Variants in AMBP observed in about 807,000 individuals in gnomAD.
AMBP encodes protein AMBP.
Under a neutral mutation model 46.3 loss-of-function variants are expected in AMBP, and 37 were observed. The ratio of observed to expected loss-of-function variants is 0.80; its 90% confidence interval spans 0.61 to 1.05. The LOEUF is 1.05. Among genes scored for constraint, AMBP ranks in the 50% least tolerant of loss-of-function variants. AMBP has a pLI of 0.00. For missense variants in AMBP, 475 were observed against 461.2 expected, an observed-to-expected ratio of 1.03 and a Z score of -0.27; for synonymous variants, 174 against 175.9, an observed-to-expected ratio of 0.99 and a Z score of 0.09.
chr9:114,069,425 T>C (rs1204902097), intron 6 of AMBP, among the ~76,000 whole-genome samples: 3 of 152,242 alleles, frequency 2.0e-5, no homozygotes, highest in Non-Finnish European at 2.9e-5. Flanking sequence ...TTTCTATATG[T>C]CATTAAATTC....
At chr9:114,062,591 CTGA>C (rs1387282506) in intron 7 of AMBP, 83 bp downstream of exon 7, 49 of 1,341,826 alleles carry the variant, frequency 3.7e-5, no homozygotes, top group Non-Finnish European at 4.9e-5. Context: ...AGAGACTGCA[CTGA>C]TAAGAGTAGC....
intron 7 of AMBP, among the ~76,000 whole-genome samples, chr9:114,061,881 A>C (rs551337569): frequency 4.6e-4 from 69 of 151,380 alleles, no homozygotes; most frequent in Non-Finnish European, 8.5e-4. Flanking sequence ...CTGCCCCAAA[A>C]CTCTGTAATA....
chr9:114,072,092 G>A (rs900988333), intron 5 of AMBP, among the ~76,000 whole-genome samples: 1 of 152,220 alleles, frequency 6.6e-6, no homozygotes, highest in African/African-American at 2.4e-5. Flanking sequence ...AACACAAACA[G>A]GGCTGAAACA....
chr9:114,075,149 T>C, intron 2 of AMBP, 113 bp from the exon 3 acceptor site: 1 of 760,520 alleles, frequency 1.3e-6, no homozygotes, highest in Non-Finnish European at 2.2e-6. Flanking sequence ...TTTTTTTGTT[T>C]GTGTGTTTTT....
At position 114,078,163 on chromosome 9, in the gene AMBP, G is replaced by T. The variant is rs752934210; in HGVS notation, c.47C>A (p.Ala16Glu). 3.1e-6 allele frequency: 5 copies of T among 1,613,400 alleles called. No individual in the cohort carries two copies. Among genetic ancestry groups the T allele is most frequent in the Admixed American group, 1.7e-5 (1 of 60,032 alleles). Residue 16 changes from alanine (A) to glutamate (E), a missense_variant, in exon 1 of 10, where the codon GCG becomes GAG. Ala to Glu is a moderately radical substitution (Grantham distance 107). This residue lies in a region of AMBP where 179 missense variants were observed against 167.4 expected (regional missense o/e 1.07). Coordinates refer to ENST00000265132, the MANE Select transcript of AMBP (RefSeq NM_001633.4). ...CGTTGGCACAGGGCCAGCGCTCACC[G>T]CCAGGCAGGCGCTCAGCAGCAAGAG... ...ALLLLLSACL[A>E]VSAGPVPTPP...
At position 114,076,685 on chromosome 9, in the gene AMBP, T is replaced by A. The variant is rs768359067; in HGVS notation, c.173A>T (p.Lys58Met). ...AIGSTCPWLK[K>M]IMDRMTVSTL... The stretch of plus-strand genomic sequence containing the variant: ...GCTCACTGTCATCCTGTCCATGATC[T>A]TCTTCAGCCAGGGGCAGGTGGAACC... Residue 58 changes from lysine (K) to methionine (M), a missense_variant, in exon 2 of 10, where the codon AAG (lysine) becomes ATG (methionine). Around this residue, in one of 3 missense-constraint regions of AMBP, gnomAD observed 179 missense variants for 167.4 expected, o/e 1.07. Transcript: ENST00000265132. 6 of 1,614,016 alleles carry A rather than the reference T, an allele frequency of 3.7e-6. No individual in the cohort carries two copies. The South Asian group carries it at 4.4e-5, about 12-fold the overall frequency.
At chr9:114,069,038 T>A (rs1347197690) in intron 6 of AMBP, among the ~76,000 whole-genome samples, 2 of 151,780 alleles carry the variant, frequency 1.3e-5, no homozygotes, top group African/African-American at 2.4e-5. Context: ...TTTTTCCAAA[T>A]AAATATCACA....
At chr9:114,064,332 TAG>T (rs1846671129) in intron 6 of AMBP, among the ~76,000 whole-genome samples, 1 of 152,154 alleles carries the variant, frequency 6.6e-6, no homozygotes, top group Non-Finnish European at 1.5e-5. Flanking sequence ...CAATAAAATA[TAG>T]AGTTTTACAA....
intron 1 of AMBP, 43 bp from the exon 2 acceptor site, chr9:114,076,783 C>T: frequency 6.2e-7 from 1 of 1,601,114 alleles, no homozygotes; most frequent in Non-Finnish European, 8.5e-7. Flanking sequence ...CAGTCTCAGA[C>T]CTCAAAGCAG....
chr9:114,073,145 T>C, intron 4 of AMBP, 119 bp from the exon 5 acceptor site: 3 of 843,420 alleles, frequency 3.6e-6, no homozygotes, highest in Non-Finnish European at 5.5e-6. Context: ...TTGATGCAGT[T>C]TAATCTATTT....
chr9:114,071,070 C>A (rs1001115677), intron 5 of AMBP, among the ~76,000 whole-genome samples: 1 of 152,184 alleles, frequency 6.6e-6, no homozygotes, highest in Non-Finnish European at 1.5e-5. Flanking sequence ...GTGGCTGGGG[C>A]TGCACACCCC....
intron 2 of AMBP, among the ~76,000 whole-genome samples, chr9:114,076,141 C>A (rs562175995): frequency 6.6e-6 from 1 of 151,378 alleles, no homozygotes; most frequent in East Asian, 2.0e-4. Flanking sequence ...GGGTGGAGGT[C>A]AGAGGTGAGG....
chr9:114,072,655 C>T (rs952230640), intron 5 of AMBP, among the ~76,000 whole-genome samples: 1 of 152,212 alleles, frequency 6.6e-6, no homozygotes, highest in Non-Finnish European at 1.5e-5. Context: ...TCTTTTGCCT[C>T]CTAAGAGGTA....
Position 114,076,698 on chromosome 9 carries a change from G to A in AMBP, c.160C>T (p.Pro54Ser). The change falls in exon 2 of 10, where the codon CCC becomes TCC. Residue 54 changes from proline (P) to serine (S), a missense_variant. Around this residue, in one of 3 missense-constraint regions of AMBP, gnomAD observed 179 missense variants for 167.4 expected, o/e 1.07. Coordinates refer to ENST00000265132, the MANE Select transcript of AMBP (RefSeq NM_001633.4). The stretch of plus-strand genomic sequence containing the variant: ...CTGTCCATGATCTTCTTCAGCCAGG[G>A]GCAGGTGGAACCGATGGCCAGGTTG... ...WYNLAIGSTCPWLKKIMDRMT... is the reference protein window; with the variant it reads ...WYNLAIGSTCSWLKKIMDRMT... 2 of 1,613,986 alleles carry A rather than the reference G, an allele frequency of 1.2e-6. No individual in the cohort carries two copies. Among genetic ancestry groups the A allele is most frequent in the South Asian group, 2.2e-5 (2 of 91,074 alleles).
At chr9:114,074,697 C>T (rs1006086572) in intron 3 of AMBP, among the ~76,000 whole-genome samples, 11 of 152,042 alleles carry the variant, frequency 7.2e-5, no homozygotes, top group African/African-American at 2.2e-4. Flanking sequence ...TAGCAGGTGC[C>T]TAAGAAGACA....
chr9:114,067,392 T>A (rs1161123541), intron 6 of AMBP, among the ~76,000 whole-genome samples: 2 of 152,054 alleles, frequency 1.3e-5, no homozygotes, highest in Non-Finnish European at 2.9e-5. Context: ...TGCCACCCAC[T>A]GAGCTGGCTA....
At chr9:114,071,084 G>A (rs984815947) in intron 5 of AMBP, among the ~76,000 whole-genome samples, 3 of 152,164 alleles carry the variant, frequency 2.0e-5, no homozygotes, top group Admixed American at 1.3e-4. Context: ...ACACCCCATT[G>A]AGCTGGTGGG....
intron 6 of AMBP, among the ~76,000 whole-genome samples, chr9:114,063,289 G>A (rs1039738678): frequency 6.6e-6 from 1 of 152,214 alleles, no homozygotes; most frequent in South Asian, 2.1e-4. Context: ...AAGCTGCCAA[G>A]AGGGCCTCTG....
Position 114,076,834 on chromosome 9 carries a change from T to G in AMBP, c.118-94A>C. 7 of 1,416,990 alleles carry G rather than the reference T, an allele frequency of 4.9e-6. No individual in the cohort carries two copies. The South Asian group carries it at 9.6e-5, about 19-fold the overall frequency. The allele number at this position is 1,416,990 out of a possible 1,614,324, so 87.8% of individuals were successfully genotyped here. A position where few individuals can be genotyped will look rare whatever the true frequency, so the allele number is the denominator to read the frequency against. ...GCTCCCCACCCTCCACCTCCTCCTCTTCCTCCTCCTTCTCCTCAAAATGAC... is the reference window on the plus strand; with the variant it reads ...GCTCCCCACCCTCCACCTCCTCCTCGTCCTCCTCCTTCTCCTCAAAATGAC... On this transcript the variant is annotated intron_variant, in intron 1 of 9. Transcript: ENST00000265132.
Sources: allele counts gnomAD v4.1 joint callset (sites outside exome capture counted in the v4.1 genomes callset), GRCh38; gene constraint gnomAD v4.1.1; regional missense constraint gnomAD v4.1.1; transcripts MANE v1.5; gene names NCBI Gene and HGNC (gene_info 2026-07-23, HGNC 2026-07-21).